The following RPS6KC1 variants were observed in gnomAD, a reference collection of about 807,000 sequenced individuals.
The protein encoded by RPS6KC1 is inactive ribosomal protein S6 kinase delta-1.
In RPS6KC1, 54 loss-of-function variants were observed where a neutral mutation model predicts 103.8. The ratio of observed to expected loss-of-function variants is 0.52; its 90% confidence interval spans 0.42 to 0.65. RPS6KC1 has a LOEUF of 0.65. RPS6KC1 is among the 30% of genes least tolerant of loss of function. The pLI, the probability that RPS6KC1 is intolerant of heterozygous loss-of-function variation, is 0.00. For missense variants in RPS6KC1, 1,151 were observed against 1,253.8 expected, an observed-to-expected ratio of 0.92 and a Z score of 1.24; for synonymous variants, 439 against 438.7, an observed-to-expected ratio of 1.00 and a Z score of -0.01.
At chr1:213,152,517 C>T (rs1478315555) in intron 6 of RPS6KC1, among the ~76,000 whole-genome samples, 374 of 149,354 alleles carry the variant, frequency 2.5e-3, no homozygotes, top group Non-Finnish European at 4.0e-3. Context: ...CTCCTCACTT[C>T]TCAGACGGGG....
rs1371503891 is a variant in RPS6KC1 at position 213,261,637 on chromosome 1, C to T, written c.2991C>T (p.Gly997=). ...LGAVLFELLT[G]KTLVECHPAG... ...CTGTCCTCTTTGAACTTCTCACTGG[C>T]AAGGTAAGCAGTGGCCTGGACGTTT... The change falls in exon 13 of 15, where the codon GGC becomes GGT. Residue 997 remains glycine (G), a synonymous_variant. Coordinates refer to ENST00000366960, the MANE Select transcript of RPS6KC1 (RefSeq NM_012424.6). The T allele has an allele frequency of 2.5e-6, 4 of 1,612,866 alleles. No individual in the cohort carries two copies. The highest frequency in any genetic ancestry group is 3.4e-6 in the Non-Finnish European group (4 of 1,179,018).
chr1:213,573,898 GA>G, the RPS6KC1 span, among the ~76,000 whole-genome samples: 3 of 152,200 alleles, frequency 2.0e-5, no homozygotes, highest in African/African-American at 7.2e-5. Context: ...GGAAATGCCA[GA>G]AGTGAGTGAA....
the RPS6KC1 span, among the ~76,000 whole-genome samples, chr1:213,597,839 G>A: frequency 1.3e-5 from 2 of 152,182 alleles, no homozygotes; most frequent in Non-Finnish European, 2.9e-5. Flanking sequence ...AATAAGCAAT[G>A]TAAAAAGTCA....
intron 6 of RPS6KC1, among the ~76,000 whole-genome samples, chr1:213,150,920 G>A (rs2088668193): frequency 6.6e-6 from 1 of 150,982 alleles, no homozygotes; most frequent in South Asian, 2.1e-4. Flanking sequence ...CCTCCTGGGC[G>A]GGGCAGCTGG....
chr1:213,637,416 G>A, the RPS6KC1 span, among the ~76,000 whole-genome samples: 1 of 150,596 alleles, frequency 6.6e-6, no homozygotes, highest in Non-Finnish European at 1.5e-5. Flanking sequence ...GGCAGTGGGT[G>A]GGGGTGGGAG....
chr1:213,309,429 T>TA, the RPS6KC1 span, among the ~76,000 whole-genome samples: 3 of 152,158 alleles, frequency 2.0e-5, no homozygotes, highest in South Asian at 4.1e-4. Flanking sequence ...CCCAAGTATT[T>TA]AAAAAAATGG....
the RPS6KC1 span, among the ~76,000 whole-genome samples, chr1:213,773,704 G>A: frequency 2.6e-5 from 4 of 152,074 alleles, no homozygotes; most frequent in Non-Finnish European, 5.9e-5. Flanking sequence ...TTGCAGACCT[G>A]AGGTGGAATT....
At chr1:213,247,711 T>C (rs1489800765) in intron 12 of RPS6KC1, among the ~76,000 whole-genome samples, 1 of 152,140 alleles carries the variant, frequency 6.6e-6, no homozygotes, top group Admixed American at 6.5e-5. Context: ...GTAAAATAGA[T>C]TTGTTGGATA....
chr1:213,763,502 GA>G, the RPS6KC1 span, among the ~76,000 whole-genome samples: 2 of 152,170 alleles, frequency 1.3e-5, no homozygotes, highest in Non-Finnish European at 2.9e-5. Flanking sequence ...TTCCGAGCAG[GA>G]AGAGCTCTAT....
the RPS6KC1 span, among the ~76,000 whole-genome samples, chr1:213,362,611 C>T: frequency 6.6e-6 from 1 of 152,140 alleles, no homozygotes; most frequent in Non-Finnish European, 1.5e-5. Context: ...AAGAAGATTA[C>T]ATATATATCG....
At chr1:213,115,808 G>A (rs574788250) in intron 4 of RPS6KC1, among the ~76,000 whole-genome samples, 1 of 152,262 alleles carries the variant, frequency 6.6e-6, no homozygotes, top group Non-Finnish European at 1.5e-5. Context: ...ATTTTGTTAT[G>A]TACGCAGTAG....
At chr1:213,551,643 C>T in the RPS6KC1 span, among the ~76,000 whole-genome samples, 4 of 152,198 alleles carry the variant, frequency 2.6e-5, no homozygotes, top group Non-Finnish European at 4.4e-5. Flanking sequence ...CTACCTCCCC[C>T]ACTATCAACA....
At chr1:213,339,903 T>C in the RPS6KC1 span, among the ~76,000 whole-genome samples, 7 of 152,126 alleles carry the variant, frequency 4.6e-5, no homozygotes, top group East Asian at 5.8e-4. Context: ...CCTTTTTTTT[T>C]TCTCTCAAGA....
the RPS6KC1 span, among the ~76,000 whole-genome samples, chr1:213,454,535 A>T: frequency 6.6e-6 from 1 of 152,234 alleles, no homozygotes; most frequent in Non-Finnish European, 1.5e-5. Context: ...GACAATCTTG[A>T]TAAATATATT....
chr1:213,490,477 CCT>C, the RPS6KC1 span, among the ~76,000 whole-genome samples: 1 of 152,146 alleles, frequency 6.6e-6, no homozygotes, highest in African/African-American at 2.4e-5. Context: ...GTGAAGCGGG[CCT>C]CTGTTTCCTC....
chr1:213,641,974 G>GCCA, the RPS6KC1 span, among the ~76,000 whole-genome samples: 1 of 151,988 alleles, frequency 6.6e-6, no homozygotes, highest in Non-Finnish European at 1.5e-5. Context: ...GGGGGCCAGG[G>GCCA]CCACCACCAT....
the RPS6KC1 span, among the ~76,000 whole-genome samples, chr1:213,512,944 T>G: frequency 2.2e-4 from 33 of 152,300 alleles, no homozygotes; most frequent in African/African-American, 7.7e-4. Context: ...TTTGATCTGT[T>G]TTTTACCTAT....
At chr1:213,118,021 C>CCAAAAAAAAAAAAAAAAAA (rs2083875584) in intron 5 of RPS6KC1, among the ~76,000 whole-genome samples, 1 of 34,182 alleles carries the variant, frequency 2.9e-5, no homozygotes, top group Non-Finnish European at 5.9e-5. Flanking sequence ...GACTTTGTCT[C>CCAAAAAAAAAAAAAAAAAA]AAAAAAAAAA....
At chr1:213,625,293 A>G in the RPS6KC1 span, among the ~76,000 whole-genome samples, 7 of 152,230 alleles carry the variant, frequency 4.6e-5, no homozygotes, top group African/African-American at 1.7e-4. Flanking sequence ...GATTTATTGT[A>G]TGTCTTAGAG....
Sources: gnomAD v4.1 joint callset for allele counts (sites outside exome capture counted in the v4.1 genomes callset) on GRCh38, gnomAD v4.1.1 for gene constraint, MANE v1.5 for transcripts, NCBI Gene and HGNC (gene_info 2026-07-23, HGNC 2026-07-21) for gene names.